Variants in TMEM74 observed in about 807,000 individuals in gnomAD.
TMEM74 encodes transmembrane protein 74.
Under a neutral mutation model 18.1 loss-of-function variants are expected in TMEM74, and 13 were observed. The observed-to-expected ratio is 0.72, with a 90% CI of 0.47 to 1.14. The LOEUF is 1.14. Among genes scored for constraint, TMEM74 ranks in the 50% most tolerant of loss-of-function variants. The pLI is 0.00. For synonymous variants in TMEM74, 159 were observed against 146.6 expected (o/e 1.08, Z -0.61); for missense variants, 372 against 375.9 (o/e 0.99, Z 0.09).
At chr8:108,701,121 A>C (rs1473286414) in intron 1 of TMEM74, among the ~76,000 whole-genome samples, 2 of 151,778 alleles carry the variant, frequency 1.3e-5, no homozygotes, top group Middle Eastern at 3.2e-3. Flanking sequence ...TGGCATCAAC[A>C]GACTAAAGAA....
intron 1 of TMEM74, among the ~76,000 whole-genome samples, chr8:108,708,450 G>A (rs1177019977): frequency 6.6e-6 from 1 of 151,946 alleles, no homozygotes. Flanking sequence ...AGCTCTTTGA[G>A]GAATCACCAC....
At chr8:108,618,205 G>T (rs1290995608) in intron 2 of TMEM74, among the ~76,000 whole-genome samples, 1 of 152,104 alleles carries the variant, frequency 6.6e-6, no homozygotes, top group African/African-American at 2.4e-5. Flanking sequence ...TATTTTGAAA[G>T]TAAGGCCTAC....
At chr8:108,774,577 AACTC>A (rs1814207752), downstream of TMEM74, among the ~76,000 whole-genome samples, 1 of 152,176 alleles carries the variant, frequency 6.6e-6, no homozygotes, top group South Asian at 2.1e-4. Flanking sequence ...GCCAGGAGGT[AACTC>A]ACGTCACTTT....
chr8:108,628,363 T>C (rs1171079341), intron 2 of TMEM74, among the ~76,000 whole-genome samples: 1 of 152,092 alleles, frequency 6.6e-6, no homozygotes, highest in African/African-American at 2.4e-5. Flanking sequence ...CTCAGTTCTC[T>C]GCAGACACCA....
chr8:108,763,742 C>G lies in TMEM74; in HGVS notation n.119+23734G>C, dbSNP rs565646769. On this transcript the variant is annotated intron_variant and non_coding_transcript_variant, in intron 1 of 3. Coordinates refer to the TMEM74 transcript ENST00000518838. Reference sequence around the variant, plus strand: ...TATTTTAATTAGTGAAATTCCATATCTGAATTAAAAGCATTCTTGATTTGA... The same window carrying G: ...TATTTTAATTAGTGAAATTCCATATGTGAATTAAAAGCATTCTTGATTTGA... 3.9e-5 allele frequency among the ~76,000 whole-genome samples: 6 copies of G among 152,252 alleles called. No individual in the cohort carries two copies. In the East Asian group the frequency reaches 1.2e-3, roughly 29 times the overall value.
Position 108,781,117 on chromosome 8 carries a change from A to G in TMEM74, c.*3064T>C, listed in dbSNP as rs966656439. 1.3e-5 allele frequency among the ~76,000 whole-genome samples: 2 copies of G among 152,210 alleles called. No individual in the cohort carries two copies. The highest frequency in any genetic ancestry group is 2.9e-5 in the Non-Finnish European group (2 of 68,036). On this transcript the variant is annotated 3_prime_UTR_variant, in exon 2 of 2. Transcript: ENST00000297459. ...AGCTGTCTTCTCATTGAGACTAGGA[A>G]GATGACTCTTGAGTTTAGATTTCTA...
intron 1 of TMEM74, among the ~76,000 whole-genome samples, chr8:108,678,695 C>T (rs1181176661): frequency 6.7e-6 from 1 of 150,246 alleles, no homozygotes; most frequent in African/African-American, 2.4e-5. Flanking sequence ...ATAAAGCTGA[C>T]TTTATTGCTT....
chr8:108,660,375 C>T (rs2130580426), intron 1 of TMEM74, among the ~76,000 whole-genome samples: 1 of 152,166 alleles, frequency 6.6e-6, no homozygotes, highest in East Asian at 1.9e-4. Context: ...CATTGTTTTC[C>T]TCTTTGCTGA....
chr8:108,774,956 C>T (rs750010190), downstream of TMEM74, among the ~76,000 whole-genome samples: 1 of 151,966 alleles, frequency 6.6e-6, no homozygotes, highest in Non-Finnish European at 1.5e-5. Flanking sequence ...CTAAAGGACC[C>T]ATCCAGAACA....
At chr8:108,698,773 T>C (rs1813305498) in intron 1 of TMEM74, among the ~76,000 whole-genome samples, 1 of 152,188 alleles carries the variant, frequency 6.6e-6, no homozygotes, top group African/African-American at 2.4e-5. Flanking sequence ...AAATTAGTGC[T>C]TTCCAAACTA....
intron 2 of TMEM74, among the ~76,000 whole-genome samples, chr8:108,624,038 G>C (rs1812469741): frequency 6.6e-6 from 1 of 152,068 alleles, no homozygotes; most frequent in Non-Finnish European, 1.5e-5. Context: ...AGATTTCCCA[G>C]TGCCAGGATA....
chr8:108,775,092 G>A (rs897207889), downstream of TMEM74, among the ~76,000 whole-genome samples: 5 of 152,096 alleles, frequency 3.3e-5, no homozygotes, highest in African/African-American at 1.2e-4. Context: ...ATATACTAAT[G>A]GAACAAGGAC....
At chr8:108,754,832 T>C (rs1813941031) in intron 1 of TMEM74, among the ~76,000 whole-genome samples, 1 of 151,868 alleles carries the variant, frequency 6.6e-6, no homozygotes, top group South Asian at 2.1e-4. Flanking sequence ...CCAGGTGAGC[T>C]GACAGTGTAA....
At chr8:108,733,605 CTA>C (rs1266008609) in intron 1 of TMEM74, among the ~76,000 whole-genome samples, 1 of 152,260 alleles carries the variant, frequency 6.6e-6, no homozygotes, top group East Asian at 1.9e-4. Context: ...ACTGAACAAA[CTA>C]TATACTTAAG....
chr8:108,645,023 A>G (rs1812702957), intron 2 of TMEM74, among the ~76,000 whole-genome samples: 1 of 152,200 alleles, frequency 6.6e-6, no homozygotes, highest in African/African-American at 2.4e-5. Flanking sequence ...AGGAAAATAA[A>G]TCATTCTACC....
chr8:108,675,104 A>G (rs950629469), intron 1 of TMEM74, among the ~76,000 whole-genome samples: 3 of 152,146 alleles, frequency 2.0e-5, no homozygotes, highest in African/African-American at 7.2e-5. Flanking sequence ...ATTCTGAGAC[A>G]TATGTTTTAT....
At chr8:108,644,825 G>A (rs1467898678) in intron 2 of TMEM74, among the ~76,000 whole-genome samples, 1 of 152,098 alleles carries the variant, frequency 6.6e-6, no homozygotes, top group Admixed American at 6.6e-5. Context: ...CAGTCAGAAT[G>A]GCTACTATTA....
chr8:108,614,200 A>G lies in TMEM74; in HGVS notation n.265-5374T>C, dbSNP rs535362355. On this transcript the variant is annotated intron_variant and non_coding_transcript_variant, in intron 2 of 3. Coordinates refer to the TMEM74 transcript ENST00000518838. Reference sequence around the variant, plus strand: ...GTTGTGAATGAAAAATATTTATGCAACAATTTCAGTTCAACATATTGCAAT... The same window carrying G: ...GTTGTGAATGAAAAATATTTATGCAGCAATTTCAGTTCAACATATTGCAAT... Among the ~76,000 whole-genome samples, 25 of 152,272 alleles carry G rather than the reference A, an allele frequency of 1.6e-4. No individual in the cohort carries two copies. The East Asian group carries it at 4.6e-3, about 28-fold the overall frequency.
At chr8:108,785,339 T>C (rs1207085942) in intron 1 of TMEM74, among the ~76,000 whole-genome samples, 1 of 152,154 alleles carries the variant, frequency 6.6e-6, no homozygotes, top group African/African-American at 2.4e-5. Context: ...TCATAGTGAT[T>C]AACACTGAGA....
Sources: gnomAD v4.1 joint callset for allele counts (sites outside exome capture counted in the v4.1 genomes callset) on GRCh38, gnomAD v4.1.1 for gene constraint, MANE v1.5 for transcripts, NCBI Gene and HGNC (gene_info 2026-07-23, HGNC 2026-07-21) for gene names.